PCDHA13: variants seen among roughly 807,000 people sequenced by gnomAD.
The protein encoded by PCDHA13 is protocadherin alpha-13.
A neutral mutation model predicts 64.8 loss-of-function variants in PCDHA13; 54 were observed. The observed-to-expected ratio is 0.83, with a 90% CI of 0.67 to 1.04. The LOEUF (loss-of-function observed/expected upper bound fraction) is 1.04, where lower values mean the gene tolerates loss of function less well. Among genes scored for constraint, PCDHA13 ranks in the 50% least tolerant of loss-of-function variants. PCDHA13 has a pLI of 0.00. For synonymous variants in PCDHA13, 587 were observed against 564.4 expected (o/e 1.04, Z -0.57); for missense variants, 1,248 against 1,254.3 (o/e 0.99, Z 0.08).
chr5:140,941,214 C>CCCTTCTTTCTTTCTTTCTTTCTTT (rs2092871784), intron 1 of PCDHA13, among the ~76,000 whole-genome samples: 1 of 122,414 alleles, frequency 8.2e-6, no homozygotes, highest in Non-Finnish European at 1.7e-5. Flanking sequence ...TTTCTTTCTT[C>CCCTTCTTTCTTTCTTTCTTTCTTT]CTTTCTTTCT....
chr5:140,928,234 C>T lies in PCDHA13; in HGVS notation c.2394+43572C>T, dbSNP rs1319421246. The T allele has an allele frequency of 4.3e-6, 7 of 1,614,096 alleles. No homozygotes were observed. In the African/African-American group the frequency reaches 8.0e-5, roughly 18 times the overall value. On this transcript the variant is annotated intron_variant, in intron 1 of 3. Transcript: ENST00000289272. ...TGACAATACACCAAACTTTCCTCAA[C>T]CCCAGCAGGAACTTTTCGTTGCTGA...
At chr5:140,978,486 G>T (rs1289847782) in intron 1 of PCDHA13, among the ~76,000 whole-genome samples, 1 of 152,248 alleles carries the variant, frequency 6.6e-6, no homozygotes, top group Admixed American at 6.5e-5. Flanking sequence ...AGTCTGCAAA[G>T]CCAGCAGCAG....
chr5:140,978,377 G>A (rs1382683424), intron 1 of PCDHA13, among the ~76,000 whole-genome samples: 3 of 152,212 alleles, frequency 2.0e-5, no homozygotes, highest in Non-Finnish European at 4.4e-5. Context: ...GCAATAGTTT[G>A]TTTTCCTCTC....
intron 1 of PCDHA13, among the ~76,000 whole-genome samples, chr5:140,890,818 A>G (rs1170693390): frequency 1.3e-5 from 2 of 152,204 alleles, no homozygotes; most frequent in African/African-American, 4.8e-5. Flanking sequence ...ATTGTTTTAA[A>G]TGTACTTACA....
At chr5:140,891,040 C>G (rs2062916193) in intron 1 of PCDHA13, among the ~76,000 whole-genome samples, 1 of 144,978 alleles carries the variant, frequency 6.9e-6, no homozygotes, top group Admixed American at 6.6e-5. Context: ...TTAGGTGTGA[C>G]CCCCACAGCA....
chr5:140,941,202 C>CTTTCTCTCTTT (rs1554213921), intron 1 of PCDHA13, among the ~76,000 whole-genome samples: 1 of 122,742 alleles, frequency 8.1e-6, no homozygotes, highest in African/African-American at 3.0e-5. Flanking sequence ...TTTCTTTCTT[C>CTTTCTCTCTTT]CTTTCTTTCT....
chr5:140,925,108 G>GGAAGGAAGGAAGGAAGGAAGGAA (rs1554202548), intron 1 of PCDHA13, among the ~76,000 whole-genome samples: 19 of 124,700 alleles, frequency 1.5e-4, no homozygotes, highest in Middle Eastern at 4.0e-3. Context: ...GAAGGAAGGA[G>GGAAGGAAGGAAGGAAGGAAGGAA]GGAAGGAAGG....
rs183311315 is a variant in PCDHA13, at chr5:140,913,513, T to C, written c.2394+28851T>C. ...AGTCTGTTTAAAACTTTGTCAATTTTATTTATCTTTTCAAAAGATTGACTT... is the reference window on the plus strand; with the variant it reads ...AGTCTGTTTAAAACTTTGTCAATTTCATTTATCTTTTCAAAAGATTGACTT... On this transcript the variant is annotated intron_variant, in intron 1 of 3. Coordinates refer to ENST00000289272, the MANE Select transcript of PCDHA13 (RefSeq NM_018904.3). Among the ~76,000 whole-genome samples, 393 of 152,272 alleles carry C rather than the reference T, an allele frequency of 2.6e-3. 2 individuals are homozygous for C. The highest frequency in any genetic ancestry group is 9.2e-3 in the African/African-American group (382 of 41,572).
rs144585858 is a variant in PCDHA13 at position 140,984,129 on chromosome 5, G to A, written c.2542+1566G>A. On this transcript the variant is annotated intron_variant, in intron 3 of 3. Transcript: ENST00000289272. The stretch of plus-strand genomic sequence containing the variant: ...GGTTTTAGACTGCCAAGTGTTGCAG[G>A]ATGTGGAGGCATCTGGGAAGGTGAG... 1.3e-3 allele frequency among the ~76,000 whole-genome samples: 205 copies of A among 152,236 alleles called. 1 individual carries two copies. Among genetic ancestry groups the A allele is most frequent in the Non-Finnish European group, 2.6e-3 (175 of 68,046 alleles).
At chr5:140,938,719 T>A (rs1484492024) in intron 1 of PCDHA13, among the ~76,000 whole-genome samples, 2 of 152,098 alleles carry the variant, frequency 1.3e-5, no homozygotes, top group African/African-American at 4.8e-5. Context: ...TAGAAACGCG[T>A]TTCTACAGAA....
chr5:140,938,443 A>C (rs1324427427), intron 1 of PCDHA13, among the ~76,000 whole-genome samples: 1 of 152,180 alleles, frequency 6.6e-6, no homozygotes, highest in African/African-American at 2.4e-5. Context: ...AGATTTATTA[A>C]GTTCCCTTTG....
intron 1 of PCDHA13, among the ~76,000 whole-genome samples, chr5:140,952,764 G>A (rs1554220603): frequency 6.6e-6 from 1 of 152,116 alleles, no homozygotes; most frequent in Non-Finnish European, 1.5e-5. Flanking sequence ...CCTGAGACTG[G>A]ATAATTTAGA....
chr5:140,911,729 C>T (rs571299791), intron 1 of PCDHA13, among the ~76,000 whole-genome samples: 16 of 152,252 alleles, frequency 1.1e-4, no homozygotes, highest in South Asian at 4.2e-4. Flanking sequence ...GTAAACAGTT[C>T]GTGCCAAGGA....
intron 3 of PCDHA13, among the ~76,000 whole-genome samples, chr5:140,997,495 C>T (rs1255911617): frequency 6.6e-6 from 1 of 152,078 alleles, no homozygotes; most frequent in East Asian, 1.9e-4. Context: ...ATTTGTGTAT[C>T]TCAACATACC....
At chr5:140,955,522 C>A (rs1467341493) in intron 1 of PCDHA13, among the ~76,000 whole-genome samples, 5 of 152,180 alleles carry the variant, frequency 3.3e-5, no homozygotes, top group African/African-American at 1.2e-4. Context: ...GCTTTCCCTT[C>A]CACCATGATT....
intron 3 of PCDHA13, among the ~76,000 whole-genome samples, chr5:141,000,417 A>T (rs1334137638): frequency 1.8e-3 from 141 of 77,654 alleles, no homozygotes; most frequent in African/African-American, 4.6e-3. Context: ...ATATATATAT[A>T]TATATTTTTT....
chr5:140,907,690 G>C (rs761914004), intron 1 of PCDHA13, among the ~76,000 whole-genome samples: 1 of 152,196 alleles, frequency 6.6e-6, no homozygotes, highest in African/African-American at 2.4e-5. Context: ...TTGGTGAGTG[G>C]AAGTCCCTGT....
In PCDHA13 at chr5:140,883,392, C is replaced by T. The variant is rs1554178015; in HGVS notation, c.1124C>T (p.Ser375Phe). 3 of 1,614,184 alleles carry T rather than the reference C, an allele frequency of 1.9e-6. No individual in the cohort carries two copies. The highest frequency in any genetic ancestry group is 2.2e-5 in the South Asian group (2 of 91,086). Residue 375 changes from serine (S) to phenylalanine (F), a missense_variant, in exon 1 of 4, where the codon TCC becomes TTC. Ser to Phe is a radical substitution (Grantham distance 155, BLOSUM62 -2). Coordinates refer to ENST00000289272, the MANE Select transcript of PCDHA13 (RefSeq NM_018904.3). ...GCCATTATTGCCCTAATCAGTGTGT[C>T]CGATCGTGACTCTGGCTCAAATGGA... ...PSAIIALISV[S>F]DRDSGSNGQV...
At chr5:140,966,641 A>C in intron 1 of PCDHA13, 5 of 1,104,534 alleles carry the variant, frequency 4.5e-6, no homozygotes, top group Non-Finnish European at 6.0e-6. Flanking sequence ...GGCGCTTTCT[A>C]GAGCGTGAGC....
Sources: gnomAD v4.1 joint callset for allele counts (sites outside exome capture counted in the v4.1 genomes callset) on GRCh38, gnomAD v4.1.1 for gene constraint, MANE v1.5 for transcripts, NCBI Gene and HGNC (gene_info 2026-07-23, HGNC 2026-07-21) for gene names.